ANK2: variants seen among roughly 807,000 people sequenced by gnomAD.
ANK2 encodes ankyrin-2.
In ANK2, 83 loss-of-function variants were observed where a neutral mutation model predicts 360.5. The ratio of observed to expected loss-of-function variants is 0.23; its 90% CI spans 0.19 to 0.28. The LOEUF is 0.28. ANK2 is among the 10% of genes least tolerant of loss of function. The pLI, the probability that ANK2 is intolerant of heterozygous loss-of-function variation, is 1.00. For synonymous variants in ANK2, 1,740 were observed against 1,759.5 expected, an observed-to-expected ratio of 0.99 and a Z score of 0.28; for missense variants, 4,201 against 4,795.7, an observed-to-expected ratio of 0.88 and a Z score of 3.66.
chr4:112,814,429 TTTTGTTTTTTTGTTTG>T (rs1476145191), upstream of ANK2, among the ~76,000 whole-genome samples: 1 of 91,316 alleles, frequency 1.1e-5, no homozygotes, highest in East Asian at 2.4e-4. Context: ...GAGAGCGTTT[TTTTGTTTTTTTGTTTG>T]TTTGTTTGTT....
the ANK2 span, among the ~76,000 whole-genome samples, chr4:112,761,775 T>C: frequency 6.6e-6 from 1 of 152,274 alleles, no homozygotes; most frequent in African/African-American, 2.4e-5. Flanking sequence ...ATACTCATAC[T>C]GTTGCATGAA....
At chr4:113,175,845 T>C (rs539305103) in intron 2 of ANK2, among the ~76,000 whole-genome samples, 155 of 152,284 alleles carry the variant, frequency 1.0e-3, no homozygotes, top group African/African-American at 3.4e-3. Flanking sequence ...TCAATATTTC[T>C]CATATTTTAG....
intron 2 of ANK2, among the ~76,000 whole-genome samples, chr4:112,905,954 G>A (rs970093349): frequency 3.9e-5 from 6 of 152,160 alleles, no homozygotes; most frequent in Non-Finnish European, 5.9e-5. Context: ...GAGTCACTGC[G>A]CCTGGCCAGC....
chr4:112,902,671 T>A (rs943035283), intron 1 of ANK2, among the ~76,000 whole-genome samples: 2 of 152,232 alleles, frequency 1.3e-5, no homozygotes, highest in Admixed American at 6.5e-5. Flanking sequence ...AAGTGAACTA[T>A]GGGAAGATTT....
At chr4:113,334,478 T>A (rs963605187) in intron 29 of ANK2, among the ~76,000 whole-genome samples, 6 of 152,090 alleles carry the variant, frequency 3.9e-5, no homozygotes, top group African/African-American at 1.4e-4. Flanking sequence ...ACTCTTTAAC[T>A]TTATTTATTT....
intron 2 of ANK2, among the ~76,000 whole-genome samples, chr4:113,024,845 T>A (rs1444714003): frequency 6.6e-6 from 1 of 152,190 alleles, no homozygotes; most frequent in Non-Finnish European, 1.5e-5. Context: ...AAAAGTAGAA[T>A]GTTTTATTTA....
At chr4:113,375,797 C>A (rs1490897519) in intron 45 of ANK2, among the ~76,000 whole-genome samples, 1 of 151,514 alleles carries the variant, frequency 6.6e-6, no homozygotes, top group Non-Finnish European at 1.5e-5. Flanking sequence ...TACTAAAATC[C>A]CCAAATGCTG....
At chr4:113,158,277 G>A (rs528929322) in intron 1 of ANK2, among the ~76,000 whole-genome samples, 1 of 152,264 alleles carries the variant, frequency 6.6e-6, no homozygotes, top group Middle Eastern at 3.4e-3. Context: ...GCACCTTTTA[G>A]CAAGTGTTTA....
intron 1 of ANK2, among the ~76,000 whole-genome samples, chr4:112,847,006 C>A (rs77006172): frequency 6.6e-6 from 1 of 152,228 alleles, no homozygotes; most frequent in East Asian, 1.9e-4. Context: ...GAAATTACAT[C>A]GATGAGGATA....
chr4:112,793,193 C>A, the ANK2 span, among the ~76,000 whole-genome samples: 1 of 151,948 alleles, frequency 6.6e-6, no homozygotes, highest in East Asian at 1.9e-4. Context: ...GAAATTAAAA[C>A]AAATTGTAAA....
chr4:112,770,895 C>T, the ANK2 span, among the ~76,000 whole-genome samples: 1 of 152,138 alleles, frequency 6.6e-6, no homozygotes, highest in Non-Finnish European at 1.5e-5. Context: ...TTGAAAACTA[C>T]CTTATTTATG....
At chr4:113,052,368 C>T (rs187342243) in intron 1 of ANK2, among the ~76,000 whole-genome samples, 6 of 152,270 alleles carry the variant, frequency 3.9e-5, no homozygotes, top group East Asian at 3.9e-4. Context: ...TCCAGGACTA[C>T]GGACCACCAA....
chr4:113,351,265 A>C (rs2095395849), intron 37 of ANK2, among the ~76,000 whole-genome samples: 1 of 152,142 alleles, frequency 6.6e-6, no homozygotes, highest in Non-Finnish European at 1.5e-5. Context: ...AACCATGTTT[A>C]ATATGCTCAT....
At chr4:113,066,219 G>A (rs1340582118) in intron 1 of ANK2, among the ~76,000 whole-genome samples, 6 of 152,118 alleles carry the variant, frequency 3.9e-5, no homozygotes, top group Non-Finnish European at 7.3e-5. Context: ...AGGCGTGCAC[G>A]TGAGCGTGCT....
the ANK2 span, among the ~76,000 whole-genome samples, chr4:112,781,954 C>T: frequency 4.6e-5 from 7 of 151,454 alleles, no homozygotes; most frequent in Non-Finnish European, 7.4e-5. Flanking sequence ...CTCTGCCTCC[C>T]GAGTAGCTGG....
intron 5 of ANK2, among the ~76,000 whole-genome samples, chr4:113,232,970 A>G (rs556609970): frequency 6.6e-6 from 1 of 152,168 alleles, no homozygotes; most frequent in South Asian, 2.1e-4. Flanking sequence ...ATTTCAAGTG[A>G]TGCTCCAGAA....
intron 26 of ANK2, among the ~76,000 whole-genome samples, chr4:113,322,575 T>C (rs1243072331): frequency 6.6e-6 from 1 of 152,226 alleles, no homozygotes; most frequent in Non-Finnish European, 1.5e-5. Flanking sequence ...TAAAGGTCTT[T>C]AGTTTTTGTA....
At chr4:112,827,689 G>T in intron 1 of ANK2, 1 of 595,540 alleles carries the variant, frequency 1.7e-6, no homozygotes, top group Non-Finnish European at 3.0e-6. Flanking sequence ...CTGAAATTTC[G>T]ATTCCTGGAA....
chr4:113,355,849 C>T lies in ANK2; in HGVS notation c.7231C>T (p.Leu2411Phe), dbSNP rs1174128238. 1.9e-6 allele frequency: 3 copies of T among 1,614,104 alleles called. No individual in the cohort carries two copies. Among genetic ancestry groups the T allele is most frequent in the Middle Eastern group, 1.7e-4 (1 of 6,058 alleles). The change falls in exon 38 of 46, where the codon CTT becomes TTT. Residue 2411 changes from leucine (L) to phenylalanine (F), a missense_variant. This residue lies in a region of ANK2 where 2,642 missense variants were observed against 2,714.5 expected (regional missense o/e 0.97). Coordinates refer to ENST00000357077, the MANE Select transcript of ANK2 (RefSeq NM_001148.6). The stretch of plus-strand genomic sequence containing the variant: ...CATTAGAAGTCCCCAAGGGTTAGAA[C>T]TTGCACTCCCTAGCCGAGATAGCGA... ...GVIRSPQGLE[L>F]ALPSRDSEVL... is the part of the protein sequence containing the mutation.
Sources: gnomAD v4.1 joint callset for allele counts (sites outside exome capture counted in the v4.1 genomes callset) on GRCh38, gnomAD v4.1.1 for gene constraint, gnomAD v4.1.1 regional missense constraint, MANE v1.5 for transcripts, NCBI Gene and HGNC (gene_info 2026-07-23, HGNC 2026-07-21) for gene names.